Variants in ZSCAN4 observed in about 807,000 individuals in gnomAD.
ZSCAN4 encodes the protein zinc finger and SCAN domain-containing protein 4.
A neutral mutation model predicts 18.3 loss-of-function variants in ZSCAN4; 18 were observed. The ratio of observed to expected loss-of-function variants is 0.98; its 90% CI spans 0.68 to 1.46. The LOEUF (loss-of-function observed/expected upper bound fraction) is 1.46. ZSCAN4 is among the 40% of genes most tolerant of loss of function. The probability of loss-of-function intolerance (pLI) is 0.00; values close to 1 mark genes in which losing one functional copy is unlikely to be tolerated. For missense variants in ZSCAN4, 498 were observed against 511.4 expected, an observed-to-expected ratio of 0.97 and a Z score of 0.25; for synonymous variants, 193 against 180.3, an observed-to-expected ratio of 1.07 and a Z score of -0.57.
chr19:57,671,266 G>A (rs574295885), intron 2 of ZSCAN4, among the ~76,000 whole-genome samples: 7 of 152,160 alleles, frequency 4.6e-5, no homozygotes, highest in East Asian at 3.9e-4. Context: ...GCATGCCTGC[G>A]TCACAGTTTG....
chr19:57,658,667 C>CCTT, the ZSCAN4 span, among the ~76,000 whole-genome samples: 1 of 151,818 alleles, frequency 6.6e-6, no homozygotes, highest in Non-Finnish European at 1.5e-5. Context: ...AACCCCGTCC[C>CCTT]TACTAAAAAG....
the ZSCAN4 span, among the ~76,000 whole-genome samples, chr19:57,654,824 G>A: frequency 8.6e-4 from 131 of 152,088 alleles, no homozygotes; most frequent in African/African-American, 3.0e-3. Context: ...TCACACATCC[G>A]CACAGCTAAC....
At chr19:57,665,176 G>T, upstream of ZSCAN4, 1 of 152,294 alleles carries the variant, frequency 6.6e-6, no homozygotes. Context: ...TGCACGATTA[G>T]AATAGTAAAG....
exon 5 of ZSCAN4, chr19:57,678,176 T>C (rs1354436691): frequency 1.1e-5 from 17 of 1,613,448 alleles, no homozygotes; most frequent in Non-Finnish European, 1.4e-5. Context: ...GATATGAAGA[T>C]GAACAAGATG....
At chr19:57,656,106 T>A in the ZSCAN4 span, among the ~76,000 whole-genome samples, 2 of 152,194 alleles carry the variant, frequency 1.3e-5, no homozygotes, top group East Asian at 3.9e-4. Context: ...CAAAGGGACC[T>A]GCATAGTAAA....
upstream of ZSCAN4, among the ~76,000 whole-genome samples, chr19:57,666,363 A>C (rs1044652382): frequency 1.3e-5 from 2 of 152,088 alleles, no homozygotes; most frequent in African/African-American, 4.8e-5. Context: ...CGACTGTTGT[A>C]GCTTTTAGCT....
At position 57,670,303 on chromosome 19, in the gene ZSCAN4, T is replaced by G. The variant is rs1403740460; in HGVS notation, c.-370T>G. On this transcript the variant is annotated 5_prime_UTR_variant, in exon 2 of 5. It adds an upstream start codon to the 5' untranslated region. Coordinates refer to ENST00000318203, the Ensembl canonical transcript of ZSCAN4. Reference sequence around the variant, plus strand: ...CATGGAGCTGGGGCTGGATGAAGATTCCATCAGTAATTCAATCAACAGACA... The same window carrying G: ...CATGGAGCTGGGGCTGGATGAAGATGCCATCAGTAATTCAATCAACAGACA... 6.6e-6 allele frequency: 1 copy of G among 152,176 alleles called. No individual in the cohort carries two copies. The highest frequency in any genetic ancestry group is 1.5e-5 in the Non-Finnish European group (1 of 68,094). 9.4% of individuals were successfully genotyped at this position (152,176 alleles called of 1,614,324 possible).
At chr19:57,664,755 A>T (rs1269377258), upstream of ZSCAN4, 1 of 220,838 alleles carries the variant, frequency 4.5e-6, no homozygotes, top group Non-Finnish European at 9.7e-6. Context: ...TCTTAAACAG[A>T]TGGAATCCCT....
At chr19:57,676,503 G>C in exon 3 of ZSCAN4, 2 of 1,614,102 alleles carry the variant, frequency 1.2e-6, no homozygotes, top group African/African-American at 1.3e-5. Context: ...GAGATTCATA[G>C]AAGACCTGAC....
Position 57,678,526 on chromosome 19 carries a change from T to A in ZSCAN4, c.923T>A (p.Val308Asp). Residue 308 changes from valine to aspartate, a missense_variant, in exon 5 of 5, where the codon GTC becomes GAC. Val to Asp is a radical substitution (Grantham distance 152, BLOSUM62 -3). Coordinates refer to ENST00000318203, the Ensembl canonical transcript of ZSCAN4. Reference sequence around the variant, plus strand: ...GTACATCAGAAAGGATCCCATGGAGTCCAAAAATCATACAAATGTGAAGAA... The same window carrying A: ...GTACATCAGAAAGGATCCCATGGAGACCAAAAATCATACAAATGTGAAGAA... The A allele has an allele frequency of 1.2e-6, 2 of 1,613,556 alleles. No homozygotes were observed. Among genetic ancestry groups the A allele is most frequent in the Non-Finnish European group, 1.7e-6 (2 of 1,179,904 alleles).
At chr19:57,670,868 C>CT (rs10684021) in intron 2 of ZSCAN4, among the ~76,000 whole-genome samples, 26,539 of 146,552 alleles carry the variant, frequency 0.18, 2,478 homozygotes, top group East Asian at 0.26. Context: ...TCTAGTAATT[C>CT]TTTTTTTTTT....
chr19:57,660,819 A>G, the ZSCAN4 span, among the ~76,000 whole-genome samples: 2 of 152,158 alleles, frequency 1.3e-5, no homozygotes, highest in Non-Finnish European at 2.9e-5. Flanking sequence ...TTAGCAAACA[A>G]AAGTGTTGAC....
the ZSCAN4 span, among the ~76,000 whole-genome samples, chr19:57,658,528 C>T: frequency 3.3e-5 from 5 of 152,246 alleles, no homozygotes; most frequent in East Asian, 1.9e-4. Flanking sequence ...AAAATATTCA[C>T]GGCTCAAGAA....
chr19:57,669,728 G>T (rs1288645036), intron 1 of ZSCAN4, among the ~76,000 whole-genome samples: 19 of 87,012 alleles, frequency 2.2e-4, no homozygotes, highest in African/African-American at 1.9e-3. Context: ...TGTTCGTTTT[G>T]TTTTGTTTTT....
the ZSCAN4 span, among the ~76,000 whole-genome samples, chr19:57,652,360 CA>C: frequency 2.0e-5 from 3 of 152,194 alleles, no homozygotes; most frequent in Non-Finnish European, 2.9e-5. Flanking sequence ...TTCTCCAATG[CA>C]ATGGTAAATC....
chr19:57,665,936 T>A (rs981897775), upstream of ZSCAN4, among the ~76,000 whole-genome samples: 1 of 152,104 alleles, frequency 6.6e-6, no homozygotes, highest in Non-Finnish European at 1.5e-5. Flanking sequence ...ATACTTAAAA[T>A]ATCTTTGCGA....
At chr19:57,664,494 G>A (rs1179848645), upstream of ZSCAN4, 1 of 139,832 alleles carries the variant, frequency 7.2e-6, no homozygotes, top group Non-Finnish European at 1.6e-5. Flanking sequence ...TGCGGCCGTG[G>A]AGGACAGCGA....
the ZSCAN4 span, among the ~76,000 whole-genome samples, chr19:57,655,204 A>G: frequency 6.6e-6 from 1 of 152,114 alleles, no homozygotes; most frequent in Non-Finnish European, 1.5e-5. Flanking sequence ...CTTGTGGGAT[A>G]CTTCTGGCTA....
At chr19:57,669,804 G>C (rs529013795) in intron 1 of ZSCAN4, among the ~76,000 whole-genome samples, 1 of 151,446 alleles carries the variant, frequency 6.6e-6, no homozygotes, top group Non-Finnish European at 1.5e-5. Context: ...ATAATCCACT[G>C]TAGCCATGAA....
Sources: gnomAD v4.1 joint callset for allele counts (sites outside exome capture counted in the v4.1 genomes callset) on GRCh38, gnomAD v4.1.1 for gene constraint, MANE v1.5 for transcripts, NCBI Gene and HGNC (gene_info 2026-07-23, HGNC 2026-07-21) for gene names.